Variants in HOMER2 observed in about 807,000 individuals in gnomAD.
HOMER2 encodes the protein homer protein homolog 2.
A neutral mutation model predicts 47.0 loss-of-function variants in HOMER2; 27 were observed. The ratio of observed to expected loss-of-function variants is 0.57; its 90% CI spans 0.42 to 0.79. The LOEUF (loss-of-function observed/expected upper bound fraction) is 0.79. HOMER2 is among the 30% of genes least tolerant of loss of function. HOMER2 has a pLI of 0.00. For synonymous variants in HOMER2, 161 were observed against 163.8 expected, an observed-to-expected ratio of 0.98 and a Z score of 0.13; for missense variants, 443 against 435.0, an observed-to-expected ratio of 1.02 and a Z score of -0.16.
At chr15:82,977,233 T>C (rs557118166) in intron 1 of HOMER2, among the ~76,000 whole-genome samples, 34 of 152,298 alleles carry the variant, frequency 2.2e-4, no homozygotes, top group African/African-American at 7.9e-4. Context: ...AATGGTGGTT[T>C]AGTCATAGGG....
intron 1 of HOMER2, among the ~76,000 whole-genome samples, chr15:82,979,928 T>C (rs2030334510): frequency 1.3e-5 from 2 of 152,040 alleles, no homozygotes; most frequent in South Asian, 2.1e-4. Context: ...GAGATATCCA[T>C]TGAGTCATCA....
chr15:82,875,404 C>G lies in HOMER2; in HGVS notation c.163G>C (p.Val55Leu). 1 of 1,613,624 alleles carries G rather than the reference C, an allele frequency of 6.2e-7. No individual in the cohort carries two copies. Among genetic ancestry groups the G allele is most frequent in the Non-Finnish European group, 8.5e-7 (1 of 1,179,768 alleles). Residue 55 changes from valine (V) to leucine (L), a missense_variant and splice_region_variant, in exon 3 of 9, where the codon GTG (valine) becomes CTG (leucine). Physicochemically the swap from Val to Leu is conservative, Grantham distance 32. Coordinates refer to ENST00000450735, the MANE Select transcript of HOMER2 (RefSeq NM_004839.4). The stretch of plus-strand genomic sequence containing the variant: ...GGTGTGATTGTGCTGTTTATGATCA[C>G]CTGCAGAAAAACAGCCCAAAGAGTG... The part of the protein sequence containing the change: ...YRIISVDGAK[V>L]IINSTITPNM...
intron 1 of HOMER2, among the ~76,000 whole-genome samples, chr15:82,916,825 CAG>C (rs2053602317): frequency 6.8e-6 from 1 of 146,838 alleles, no homozygotes; most frequent in Admixed American, 6.8e-5. Flanking sequence ...TTTTTTGAGA[CAG>C]AGTCTCACTC....
chr15:82,856,944 T>C (rs1454944436), intron 5 of HOMER2, among the ~76,000 whole-genome samples: 1 of 152,188 alleles, frequency 6.6e-6, no homozygotes, highest in East Asian at 1.9e-4. Context: ...TTACTAGCCA[T>C]GTGACCTTGG....
intron 3 of HOMER2, among the ~76,000 whole-genome samples, chr15:82,870,402 A>G (rs753373209): frequency 4.6e-5 from 7 of 152,148 alleles, no homozygotes; most frequent in Admixed American, 2.0e-4. Context: ...CTCGCCAAGA[A>G]TGCAGGTGTG....
intron 2 of HOMER2, among the ~76,000 whole-genome samples, chr15:82,878,626 T>A (rs894442360): frequency 2.6e-5 from 4 of 152,214 alleles, no homozygotes; most frequent in African/African-American, 7.2e-5. Context: ...ACAGACATGC[T>A]AGGTCTTTCA....
At chr15:82,934,171 G>A (rs2054085718) in intron 1 of HOMER2, among the ~76,000 whole-genome samples, 1 of 152,070 alleles carries the variant, frequency 6.6e-6, no homozygotes, top group Admixed American at 6.6e-5. Context: ...AGGGTATCCT[G>A]GTGGCCCCCA....
intron 3 of HOMER2, among the ~76,000 whole-genome samples, chr15:82,873,045 C>A (rs972826630): frequency 1.1e-4 from 17 of 152,294 alleles, no homozygotes; most frequent in African/African-American, 4.1e-4. Context: ...CTCCAGGCAG[C>A]CTGGTACTTG....
intron 1 of HOMER2, among the ~76,000 whole-genome samples, chr15:82,984,587 GGT>G (rs1420841809): frequency 6.6e-6 from 1 of 152,212 alleles, no homozygotes; most frequent in Non-Finnish European, 1.5e-5. Flanking sequence ...GGGAGGCTGA[GGT>G]GGGTGGACTG....
intron 1 of HOMER2, 33 bp downstream of exon 1, chr15:82,952,498 C>A (rs944768653): frequency 1.3e-4 from 155 of 1,184,520 alleles, no homozygotes; most frequent in Admixed American, 9.0e-5. Flanking sequence ...TCCGGAGGGG[C>A]GCGCGGAGAG....
chr15:82,936,825 T>C (rs1444945603), intron 1 of HOMER2, among the ~76,000 whole-genome samples: 2 of 151,932 alleles, frequency 1.3e-5, no homozygotes, highest in African/African-American at 2.4e-5. Context: ...TCCCAAAGTG[T>C]GTGAGGTGTG....
intron 1 of HOMER2, among the ~76,000 whole-genome samples, chr15:82,960,681 A>C (rs1180593950): frequency 6.6e-6 from 1 of 152,230 alleles, no homozygotes; most frequent in Non-Finnish European, 1.5e-5. Context: ...CTGAACACCT[A>C]CTATGCGCCA....
At chr15:82,881,469 G>T (rs1299105481) in intron 2 of HOMER2, among the ~76,000 whole-genome samples, 6 of 152,182 alleles carry the variant, frequency 3.9e-5, no homozygotes, top group Non-Finnish European at 7.3e-5. Context: ...CATGTTGCCT[G>T]CTCCAAGAGT....
At chr15:82,865,844 G>A (rs944121452) in intron 3 of HOMER2, among the ~76,000 whole-genome samples, 7 of 152,206 alleles carry the variant, frequency 4.6e-5, no homozygotes, top group Non-Finnish European at 8.8e-5. Context: ...ATTGAGGTTT[G>A]GGAACCTCTG....
intron 1 of HOMER2, among the ~76,000 whole-genome samples, chr15:82,924,168 G>A (rs1276402509): frequency 6.6e-6 from 1 of 152,124 alleles, no homozygotes; most frequent in African/African-American, 2.4e-5. Flanking sequence ...ACAGAAGACC[G>A]GCACATTCTC....
rs1047526028 is a variant in HOMER2, at chr15:82,871,583, C to T, written c.294+3690G>A. 3.3e-5 allele frequency among the ~76,000 whole-genome samples: 5 copies of T among 152,288 alleles called. No homozygotes were observed. In the East Asian group the frequency reaches 9.7e-4, roughly 29 times the overall value. On this transcript the variant is annotated intron_variant, in intron 3 of 8. Coordinates refer to ENST00000450735, the MANE Select transcript of HOMER2 (RefSeq NM_004839.4). ...AGCAGGGGAAGAAGTTGATTTGAAACATTTGGACAAAGGGGTTATCTGAGG... is the reference window on the plus strand; with the variant it reads ...AGCAGGGGAAGAAGTTGATTTGAAATATTTGGACAAAGGGGTTATCTGAGG...
upstream of HOMER2, among the ~76,000 whole-genome samples, chr15:82,954,916 C>G (rs2054572584): frequency 1.3e-5 from 2 of 151,672 alleles, no homozygotes; most frequent in Admixed American, 6.6e-5. Context: ...GTAGCTGGGA[C>G]TACAGGCGCG....
chr15:82,876,764 C>CA (rs1008226045), intron 2 of HOMER2, among the ~76,000 whole-genome samples: 1 of 152,066 alleles, frequency 6.6e-6, no homozygotes, highest in African/African-American at 2.4e-5. Flanking sequence ...ACAGAGAAGA[C>CA]AAAAAAAGTT....
chr15:82,854,866 G>A, intron 5 of HOMER2, 66 bp from the exon 6 acceptor site: 2 of 1,553,740 alleles, frequency 1.3e-6, no homozygotes, highest in South Asian at 2.3e-5. Context: ...GCCCGCGTGG[G>A]GAAGGGGACT....
Sources: allele counts gnomAD v4.1 joint callset (sites outside exome capture counted in the v4.1 genomes callset), GRCh38; gene constraint gnomAD v4.1.1; transcripts MANE v1.5; gene names NCBI Gene and HGNC (gene_info 2026-07-23, HGNC 2026-07-21).